The following ASAP2 variants were observed in gnomAD, a reference collection of about 807,000 sequenced individuals.
ASAP2 encodes the protein ArfGAP with SH3 domain, ankyrin repeat and PH domain 2, also known as arf-GAP with SH3 domain, ANK repeat and PH domain-containing protein 2.
ASAP2 carries 45 observed loss-of-function variants against 131.4 expected under a neutral mutation model. The ratio of observed to expected loss-of-function variants is 0.34; its 90% CI spans 0.27 to 0.44. ASAP2 has a LOEUF of 0.44. ASAP2 is among the 20% of genes least tolerant of loss of function. The probability of loss-of-function intolerance (pLI) is 1.00; values close to 1 mark genes in which losing one functional copy is unlikely to be tolerated. For missense variants in ASAP2, 1,011 were observed against 1,297.0 expected (o/e 0.78, Z 3.39); for synonymous variants, 510 against 503.0 (o/e 1.01, Z -0.19).
chr2:9,262,289 C>T (rs1053980107), intron 1 of ASAP2, among the ~76,000 whole-genome samples: 5 of 152,028 alleles, frequency 3.3e-5, no homozygotes, highest in African/African-American at 7.3e-5. Context: ...AAGTATTTGT[C>T]GTAATGACTG....
chr2:9,380,855 A>G (rs771902266), intron 20 of ASAP2, 47 bp downstream of exon 20: 2 of 1,587,840 alleles, frequency 1.3e-6, no homozygotes, highest in Admixed American at 1.7e-5. Flanking sequence ...GTCACGGGAC[A>G]GGGAGCCAAG....
intron 7 of ASAP2, among the ~76,000 whole-genome samples, chr2:9,329,948 T>C (rs527841812): frequency 3.4e-4 from 52 of 152,258 alleles, no homozygotes; most frequent in Non-Finnish European, 6.0e-4. Context: ...CCACACCGTC[T>C]GCTTGTCTCC....
intron 7 of ASAP2, among the ~76,000 whole-genome samples, chr2:9,333,293 G>A (rs756527015): frequency 4.6e-5 from 7 of 152,150 alleles, no homozygotes; most frequent in Non-Finnish European, 1.0e-4. Context: ...CAAACTTTGC[G>A]GGTACTTTGT....
intron 20 of ASAP2, among the ~76,000 whole-genome samples, chr2:9,381,938 G>A (rs976217320): frequency 2.0e-5 from 3 of 151,488 alleles, no homozygotes; most frequent in Admixed American, 1.3e-4. Context: ...ATAAGTAACA[G>A]GTCCTCTTTC....
intron 20 of ASAP2, among the ~76,000 whole-genome samples, chr2:9,381,904 T>C (rs1674875667): frequency 6.6e-6 from 1 of 150,948 alleles, no homozygotes; most frequent in Non-Finnish European, 1.5e-5. Context: ...GAACTATTAA[T>C]AATAAATGCT....
At chr2:9,218,489 G>A (rs546108540) in intron 1 of ASAP2, among the ~76,000 whole-genome samples, 1 of 152,364 alleles carries the variant, frequency 6.6e-6, no homozygotes, top group South Asian at 2.1e-4. Flanking sequence ...ACTGAAGGGT[G>A]AATCATGGAT....
At chr2:9,233,419 C>T (rs1273191747) in intron 1 of ASAP2, among the ~76,000 whole-genome samples, 3 of 152,182 alleles carry the variant, frequency 2.0e-5, no homozygotes, top group Non-Finnish European at 2.9e-5. Context: ...GTTTTATAAT[C>T]TCTTTTCAGA....
At chr2:9,341,186 T>C (rs1671549123) in intron 9 of ASAP2, among the ~76,000 whole-genome samples, 1 of 152,158 alleles carries the variant, frequency 6.6e-6, no homozygotes, top group South Asian at 2.1e-4. Context: ...GTCAGAACCT[T>C]GGTCATGTGA....
At chr2:9,384,784 T>C (rs1675133108) in intron 20 of ASAP2, among the ~76,000 whole-genome samples, 1 of 152,216 alleles carries the variant, frequency 6.6e-6, no homozygotes, top group Non-Finnish European at 1.5e-5. Flanking sequence ...GAACCAGTCC[T>C]CTTTGATTTT....
chr2:9,292,114 A>C (rs1177399780), intron 2 of ASAP2, among the ~76,000 whole-genome samples: 1 of 152,160 alleles, frequency 6.6e-6, no homozygotes, highest in South Asian at 2.1e-4. Context: ...AGACTAGGTC[A>C]TCTTTCAGGA....
At chr2:9,285,286 A>G (rs1479175663) in intron 2 of ASAP2, among the ~76,000 whole-genome samples, 2 of 152,114 alleles carry the variant, frequency 1.3e-5, no homozygotes, top group African/African-American at 4.8e-5. Flanking sequence ...TGAGTATTTT[A>G]TTTGCTAATT....
intron 16 of ASAP2, 41 bp from the exon 17 acceptor site, chr2:9,374,714 A>G: frequency 6.5e-7 from 1 of 1,542,576 alleles, no homozygotes; most frequent in Non-Finnish European, 8.8e-7. Flanking sequence ...CGGCGGGTAG[A>G]AGCCCTTCAT....
chr2:9,331,593 C>T (rs1670842085), intron 7 of ASAP2, among the ~76,000 whole-genome samples: 1 of 152,092 alleles, frequency 6.6e-6, no homozygotes, highest in South Asian at 2.1e-4. Flanking sequence ...CATGGTGAAA[C>T]CTGGTCTCTA....
intron 1 of ASAP2, among the ~76,000 whole-genome samples, chr2:9,244,904 G>A (rs933008438): frequency 6.6e-6 from 1 of 152,176 alleles, no homozygotes; most frequent in East Asian, 1.9e-4. Flanking sequence ...AGAAAACTTA[G>A]TTACTTAGCC....
intron 7 of ASAP2, among the ~76,000 whole-genome samples, chr2:9,332,836 A>G (rs532269221): frequency 6.6e-6 from 1 of 152,398 alleles, no homozygotes; most frequent in South Asian, 2.1e-4. Context: ...TACAAGAATT[A>G]GATGAGTTCA....
intron 1 of ASAP2, among the ~76,000 whole-genome samples, chr2:9,255,553 C>G (rs1665095401): frequency 6.6e-6 from 1 of 152,190 alleles, no homozygotes; most frequent in South Asian, 2.1e-4. Flanking sequence ...AATGAAGTAG[C>G]CTCTCTGGTT....
At chr2:9,388,924 T>C in intron 22 of ASAP2, among the ~76,000 whole-genome samples, 1 of 152,230 alleles carries the variant, frequency 6.6e-6, no homozygotes, top group East Asian at 1.9e-4. Flanking sequence ...TTCCTTTTTA[T>C]TTCTCTTCTG....
chr2:9,217,816 G>T lies in ASAP2; in HGVS notation c.126+10586G>T, dbSNP rs2147964604. On this transcript the variant is annotated intron_variant, in intron 1 of 27. Coordinates refer to ENST00000281419, the MANE Select transcript of ASAP2 (RefSeq NM_003887.3). This position sits in a 1 kb window ranked among gnomAD's most constrained non-coding sequence, Gnocchi z 4.0. ...TTTTTAGTAGAGACGGGGTTTCACT[G>T]TGTTAGCCAGGATGGTCTTGATCTC... Among the ~76,000 whole-genome samples, 1 of 151,508 alleles carries T rather than the reference G, an allele frequency of 6.6e-6. No individual in the cohort carries two copies. The highest frequency in any genetic ancestry group is 2.4e-5 in the African/African-American group (1 of 41,318).
chr2:9,219,492 A>C (rs995873249), intron 1 of ASAP2, among the ~76,000 whole-genome samples: 1 of 152,212 alleles, frequency 6.6e-6, no homozygotes. Flanking sequence ...CTTTGTATTC[A>C]TATATACTGG....
Sources: gnomAD v4.1 joint callset for allele counts (sites outside exome capture counted in the v4.1 genomes callset) on GRCh38, gnomAD v4.1.1 for gene constraint, Gnocchi (gnomAD v3.1) non-coding constraint, MANE v1.5 for transcripts, NCBI Gene and HGNC (gene_info 2026-07-23, HGNC 2026-07-21) for gene names.